Variants in CACNG7 observed in about 807,000 individuals in gnomAD.
CACNG7 encodes the protein calcium voltage-gated channel auxiliary subunit gamma 7.
Under a neutral mutation model 26.3 loss-of-function variants are expected in CACNG7, and 9 were observed. The observed-to-expected ratio is 0.34, with a 90% CI of 0.21 to 0.60. CACNG7 has a LOEUF of 0.60. CACNG7 is among the 20% of genes least tolerant of loss of function. CACNG7 has a pLI of 0.81. For synonymous variants in CACNG7, 170 were observed against 157.0 expected (o/e 1.08, Z -0.62); for missense variants, 297 against 380.4 (o/e 0.78, Z 1.82).
Position 53,909,999 on chromosome 19 carries a change from G to A in CACNG7, c.-30+482G>A, listed in dbSNP as rs1390854857. On this transcript the variant is annotated intron_variant, in intron 1 of 5. Coordinates refer to ENST00000391767, the MANE Select transcript of CACNG7 (RefSeq NM_031896.5). This position sits in a 1 kb window ranked among gnomAD's most constrained non-coding sequence, Gnocchi z 5.1. Reference sequence around the variant, plus strand: ...GGTGGGAGAAAGAGGGAGAAGAGGAGGCTTCAGGCCTGGGGGGAGGGTCCC... The same window carrying A: ...GGTGGGAGAAAGAGGGAGAAGAGGAAGCTTCAGGCCTGGGGGGAGGGTCCC... Among the ~76,000 whole-genome samples the A allele has an allele frequency of 1.3e-5, 2 of 152,146 alleles. No homozygotes were observed. The highest frequency in any genetic ancestry group is 6.5e-5 in the Admixed American group (1 of 15,276).
At chr19:53,935,116 C>CA (rs1329256754) in intron 4 of CACNG7, among the ~76,000 whole-genome samples, 1 of 151,678 alleles carries the variant, frequency 6.6e-6, no homozygotes. Flanking sequence ...TATGTGTGCA[C>CA]AAAAAATATA....
chr19:53,935,634 C>CTTTTTTTTTTTTTTTTTT (rs59884893), intron 4 of CACNG7, among the ~76,000 whole-genome samples: 3 of 42,260 alleles, frequency 7.1e-5, no homozygotes, highest in East Asian at 9.9e-4. Context: ...CCAATACTGT[C>CTTTTTTTTTTTTTTTTTT]TTTTTTTTTT....
chr19:53,917,260 G>C (rs1313622699), intron 4 of CACNG7, among the ~76,000 whole-genome samples: 2 of 152,136 alleles, frequency 1.3e-5, no homozygotes, highest in Non-Finnish European at 2.9e-5. Flanking sequence ...CAATTCTTCA[G>C]TTCATTTCAA....
intron 4 of CACNG7, among the ~76,000 whole-genome samples, chr19:53,924,338 G>GGCCTGGTCATTGGTGGACTTGCCA (rs1568777344): frequency 9.8e-6 from 1 of 101,984 alleles, no homozygotes; most frequent in African/African-American, 4.5e-5. Context: ...TGGACTTGCC[G>GGCCTGGTCATTGGTGGACTTGCCA]CAGGTCTGGT....
chr19:53,940,413 C>T lies in CACNG7; in HGVS notation c.425-1057C>T, dbSNP rs2069130352. On this transcript the variant is annotated intron_variant, in intron 4 of 5. Coordinates refer to ENST00000391767, the MANE Select transcript of CACNG7 (RefSeq NM_031896.5). This position sits in a 1 kb window ranked among gnomAD's most constrained non-coding sequence, Gnocchi z 4.1. ...TTGCTATTGTTGCAATTATTATCCA[C>T]ACAGCCTCAGCTCAGGCCTCATCCT... 6.6e-6 allele frequency among the ~76,000 whole-genome samples: 1 copy of T among 152,136 alleles called. No individual in the cohort carries two copies. The highest frequency in any genetic ancestry group is 2.1e-4 in the South Asian group (1 of 4,818).
intron 4 of CACNG7, among the ~76,000 whole-genome samples, chr19:53,925,264 CCCCAGGTCTGGTCATTGGTGGAGTTGT>C (rs2069017899): frequency 2.8e-5 from 4 of 141,836 alleles, no homozygotes; most frequent in South Asian, 4.6e-4. Flanking sequence ...GGTGGAGTTG[CCCCAGGTCTGGTCATTGGTGGAGTTGT>C]CCCAGGTCTG....
intron 4 of CACNG7, among the ~76,000 whole-genome samples, chr19:53,933,279 C>T (rs1447148225): frequency 1.0e-4 from 15 of 150,458 alleles, no homozygotes; most frequent in African/African-American, 4.9e-5. Context: ...TACAGGTGCC[C>T]GCCACCACGC....
At chr19:53,926,918 A>AAAG (rs1156831329) in intron 4 of CACNG7, among the ~76,000 whole-genome samples, 1 of 152,124 alleles carries the variant, frequency 6.6e-6, no homozygotes, top group African/African-American at 2.4e-5. Context: ...GTCTCAGAAA[A>AAAG]AAGAAGAGTG....
At chr19:53,923,806 T>G (rs892783883) in intron 4 of CACNG7, among the ~76,000 whole-genome samples, 1 of 112,234 alleles carries the variant, frequency 8.9e-6, no homozygotes, top group Non-Finnish European at 1.8e-5. Flanking sequence ...GGTCTGGTCA[T>G]TGGTGGAGTT....
Position 53,917,033 on chromosome 19 carries a change from A to G in CACNG7, c.424+1528A>G, listed in dbSNP as rs564689088. 1.4e-3 allele frequency among the ~76,000 whole-genome samples: 215 copies of G among 149,358 alleles called. 1 individual carries two copies. The highest frequency in any genetic ancestry group is 4.8e-3 in the African/African-American group (195 of 40,626). ...GGCTGGTCTTGAACTCCTGGCCTCAAGTGATCCTCCTGCCTTAGCCTCCCG... is the reference window on the plus strand; with the variant it reads ...GGCTGGTCTTGAACTCCTGGCCTCAGGTGATCCTCCTGCCTTAGCCTCCCG... On this transcript the variant is annotated intron_variant, in intron 4 of 5. Transcript: ENST00000391767.
rs7253619 is a variant in CACNG7, at chr19:53,909,318, G to T, written c.-229G>T. On this transcript the variant is annotated 5_prime_UTR_variant, in exon 1 of 6. Transcript: ENST00000391767. The surrounding 1 kb of genome is among the most constrained non-coding windows in gnomAD (Gnocchi z 5.1). ...GCCGCCGGTTCCTGCTCCCGGCTCC[G>T]TCCGCCGAGTGAGGCCGCGGCCGCG... is the stretch of plus-strand genomic sequence containing the variant. 6.7e-6 allele frequency: 1 copy of T among 149,848 alleles called. No homozygotes were observed. The highest frequency in any genetic ancestry group is 1.5e-5 in the Non-Finnish European group (1 of 66,736). 9.3% of individuals were successfully genotyped at this position (149,848 alleles called of 1,614,324 possible).
chr19:53,910,475 A>G (rs1042867624), intron 1 of CACNG7, among the ~76,000 whole-genome samples: 1 of 152,130 alleles, frequency 6.6e-6, no homozygotes, highest in African/African-American at 2.4e-5. Flanking sequence ...TTGCAAGGTT[A>G]GAAGAATTCT....
chr19:53,925,281 G>T (rs1227530875), intron 4 of CACNG7, among the ~76,000 whole-genome samples: 4 of 144,992 alleles, frequency 2.8e-5, no homozygotes, highest in African/African-American at 1.0e-4. Context: ...TCTGGTCATT[G>T]GTGGAGTTGT....
rs73937618 is a variant in CACNG7 at position 53,913,026 on chromosome 19, A to G, written c.195A>G (p.Ala65=). Residue 65 remains alanine (A), a splice_region_variant and synonymous_variant, in exon 2 of 6, where the codon GCA becomes GCG. Transcript: ENST00000391767. ...GCCTCTGGCGAGTCTGCTTCTTTGC[A>G]GGTACAGCCCTCACCCGTCTTCCAC... is the stretch of plus-strand genomic sequence containing the variant. ...HAGLWRVCFF[A]GREKGRCVAS... The G allele has an allele frequency of 5.6e-6, 9 of 1,609,454 alleles. No homozygotes were observed. The highest frequency in any genetic ancestry group is 1.1e-5 in the South Asian group (1 of 90,952).
chr19:53,943,600 T>G lies in CACNG7; in HGVS notation c.*1307T>G, dbSNP rs1600008001. 1 of 8,604 alleles carries G rather than the reference T, an allele frequency of 1.2e-4. No homozygotes were observed. Among genetic ancestry groups the G allele is most frequent in the Non-Finnish European group, 2.2e-4 (1 of 4,646 alleles). The allele number at this position is 8,604 out of a possible 1,614,324, so 0.5% of individuals were successfully genotyped here. A position where few individuals can be genotyped will look rare whatever the true frequency, so the allele number is the denominator to read the frequency against. On this transcript the variant is annotated 3_prime_UTR_variant, in exon 6 of 6. Transcript: ENST00000391767. ...TTTACGCAGCGATTTTTAACGAGGC[T>G]GGGGGGAGGGGGGCACTGGGGTGGG...
chr19:53,911,615 G>A (rs1012133019), intron 1 of CACNG7, among the ~76,000 whole-genome samples: 2 of 152,134 alleles, frequency 1.3e-5, no homozygotes, highest in Non-Finnish European at 1.5e-5. Context: ...CCAGCTGAGA[G>A]TCAGAGGGGC....
At chr19:53,917,573 T>G (rs1378692952) in intron 4 of CACNG7, among the ~76,000 whole-genome samples, 1 of 152,124 alleles carries the variant, frequency 6.6e-6, no homozygotes, top group Non-Finnish European at 1.5e-5. Context: ...GAAAGCAGGG[T>G]GCAACCTCCG....
At chr19:53,914,897 G>A (rs1356479453) in intron 3 of CACNG7, among the ~76,000 whole-genome samples, 1 of 151,982 alleles carries the variant, frequency 6.6e-6, no homozygotes, top group Non-Finnish European at 1.5e-5. Context: ...AGCTACTCAG[G>A]AGGCTGAGGC....
intron 2 of CACNG7, among the ~76,000 whole-genome samples, chr19:53,913,638 G>T (rs1248801876): frequency 6.6e-6 from 1 of 151,630 alleles, no homozygotes; most frequent in Non-Finnish European, 1.5e-5. Flanking sequence ...ACTCTCCCTA[G>T]CTCTGACTGC....
Sources: gnomAD v4.1 joint callset for allele counts (sites outside exome capture counted in the v4.1 genomes callset) on GRCh38, gnomAD v4.1.1 for gene constraint, Gnocchi (gnomAD v3.1) non-coding constraint, MANE v1.5 for transcripts, NCBI Gene and HGNC (gene_info 2026-07-23, HGNC 2026-07-21) for gene names.